The following GRIN2B variants were observed in gnomAD, a reference collection of about 807,000 sequenced individuals.
GRIN2B encodes glutamate ionotropic receptor NMDA type subunit 2B, also known as glutamate receptor ionotropic, NMDA 2B.
Under a neutral mutation model 114.5 loss-of-function variants are expected in GRIN2B, and 5 were observed. The ratio of observed to expected loss-of-function variants is 0.04; its 90% confidence interval spans 0.02 to 0.09. GRIN2B has a LOEUF of 0.09. GRIN2B is among the 10% of genes least tolerant of loss of function. The pLI is 1.00. For synonymous variants in GRIN2B, 787 were observed against 745.1 expected (o/e 1.06, Z -0.92); for missense variants, 1,108 against 1,943.5 (o/e 0.57, Z 8.08).
At chr12:13,662,807 T>C (rs1389169193) in intron 5 of GRIN2B, among the ~76,000 whole-genome samples, 1 of 152,190 alleles carries the variant, frequency 6.6e-6, no homozygotes, top group East Asian at 1.9e-4. Context: ...AACTTTTTCT[T>C]ACTGGGCTAC....
intron 4 of GRIN2B, among the ~76,000 whole-genome samples, chr12:13,714,623 C>A (rs926259439): frequency 1.3e-5 from 2 of 151,794 alleles, no homozygotes; most frequent in Admixed American, 1.3e-4. Context: ...ATCTTAAGCC[C>A]AAAGGGGGAA....
At chr12:13,930,458 A>G (rs219881) in intron 2 of GRIN2B, among the ~76,000 whole-genome samples, 142,376 of 152,114 alleles carry the variant, frequency 0.94, 66,941 homozygotes, top group East Asian at 1. Context: ...TTGTGAACTG[A>G]TCCAAATTCA....
chr12:13,971,192 C>T (rs1388718382), intron 2 of GRIN2B, among the ~76,000 whole-genome samples: 1 of 152,216 alleles, frequency 6.6e-6, no homozygotes, highest in East Asian at 1.9e-4. Context: ...ACACAGCCCA[C>T]CAAACACCAG....
At chr12:13,589,110 G>C (rs1240766440) in intron 10 of GRIN2B, among the ~76,000 whole-genome samples, 1 of 151,958 alleles carries the variant, frequency 6.6e-6, no homozygotes, top group Non-Finnish European at 1.5e-5. Flanking sequence ...CATTTAACTC[G>C]GTGTCCTGTA....
chr12:13,807,044 T>C (rs988855959), intron 3 of GRIN2B, among the ~76,000 whole-genome samples: 10 of 152,194 alleles, frequency 6.6e-5, no homozygotes, highest in African/African-American at 2.4e-4. Flanking sequence ...TATAACACTT[T>C]ATATAAACAT....
intron 2 of GRIN2B, among the ~76,000 whole-genome samples, chr12:13,937,381 A>G (rs1285517141): frequency 2.6e-5 from 4 of 152,144 alleles, no homozygotes; most frequent in South Asian, 2.1e-4. Flanking sequence ...AGACCTGGCT[A>G]AAGAGACGAT....
At chr12:13,874,470 G>A (rs1269943433) in intron 2 of GRIN2B, among the ~76,000 whole-genome samples, 6 of 152,302 alleles carry the variant, frequency 3.9e-5, no homozygotes, top group East Asian at 1.9e-4. Context: ...AAACACTCAC[G>A]GGTTTTTCTT....
chr12:13,754,586 A>G (rs1254019385), intron 3 of GRIN2B, among the ~76,000 whole-genome samples: 2 of 150,574 alleles, frequency 1.3e-5, no homozygotes, highest in African/African-American at 4.9e-5. Context: ...CTATAAACAT[A>G]TAAATGTTAA....
intron 4 of GRIN2B, among the ~76,000 whole-genome samples, chr12:13,730,766 A>T (rs1177352354): frequency 2.6e-5 from 4 of 152,194 alleles, no homozygotes; most frequent in Non-Finnish European, 5.9e-5. Context: ...AACTGAGCAG[A>T]ATAATTAAAA....
Position 13,753,640 on chromosome 12 carries a change from A to G in GRIN2B, c.687T>C (p.Leu229=). Residue 229 remains leucine, a synonymous_variant, in exon 4 of 14, where the codon CTT becomes CTC. Transcript: ENST00000609686. This position sits in a 1 kb window ranked among gnomAD's most constrained non-coding sequence, Gnocchi z 6.2. ...QLKKLQSPII[L]LYCTKEEATY... is the part of the protein sequence containing the mutation. ...TGGCTTCTTCCTTGGTACAGTAAAG[A>G]AGAATGATGGGGCTTTGAAGTTTCT... 6.2e-7 allele frequency: 1 copy of G among 1,614,186 alleles called. No homozygotes were observed. Among genetic ancestry groups the G allele is most frequent in the Non-Finnish European group, 8.5e-7 (1 of 1,180,030 alleles).
chr12:13,721,614 C>A (rs966656923), intron 4 of GRIN2B, among the ~76,000 whole-genome samples: 1 of 151,986 alleles, frequency 6.6e-6, no homozygotes, highest in African/African-American at 2.4e-5. Context: ...AAAAAGTTAC[C>A]ATTTTCACCA....
At chr12:13,729,473 C>A (rs960564528) in intron 4 of GRIN2B, among the ~76,000 whole-genome samples, 2 of 151,938 alleles carry the variant, frequency 1.3e-5, no homozygotes, top group Non-Finnish European at 2.9e-5. Flanking sequence ...CTGGGTGTAG[C>A]CTGTTCATGG....
intron 3 of GRIN2B, among the ~76,000 whole-genome samples, chr12:13,816,362 A>C (rs1435644989): frequency 1.3e-5 from 2 of 152,238 alleles, no homozygotes; most frequent in East Asian, 3.8e-4. Context: ...ATCCTTCTGG[A>C]AAATGTCCAG....
At chr12:13,680,436 TTGTGTGTGTGTGTGTGTGTGTGTG>T (rs56755720) in intron 4 of GRIN2B, among the ~76,000 whole-genome samples, 4 of 123,572 alleles carry the variant, frequency 3.2e-5, no homozygotes, top group South Asian at 5.9e-4. Flanking sequence ...CCCATCAAGG[TTGTGTGTGTGTGTGTGTGTGTGTG>T]TGTGTGTGTG....
intron 10 of GRIN2B, among the ~76,000 whole-genome samples, chr12:13,580,759 G>A (rs1280931645): frequency 1.3e-5 from 2 of 152,046 alleles, no homozygotes; most frequent in African/African-American, 4.8e-5. Context: ...ATGGAATCTT[G>A]CAGTCACCGC....
intron 5 of GRIN2B, among the ~76,000 whole-genome samples, chr12:13,624,325 A>T (rs1436744863): frequency 6.6e-6 from 1 of 152,072 alleles, no homozygotes; most frequent in Non-Finnish European, 1.5e-5. Context: ...CCTCCACTAG[A>T]TCTCCCTCCA....
At chr12:13,932,980 T>C (rs202031756) in intron 2 of GRIN2B, among the ~76,000 whole-genome samples, 2 of 141,944 alleles carry the variant, frequency 1.4e-5, no homozygotes, top group Non-Finnish European at 3.0e-5. Context: ...TGTGTGTGTG[T>C]GTGTGTGCGT....
chr12:13,745,707 C>T (rs1414932046), intron 4 of GRIN2B, among the ~76,000 whole-genome samples: 1 of 152,192 alleles, frequency 6.6e-6, no homozygotes, highest in Non-Finnish European at 1.5e-5. Context: ...TCTTCCAGCT[C>T]TAATGCTTTG....
At chr12:13,962,530 A>G (rs1162293700) in intron 2 of GRIN2B, among the ~76,000 whole-genome samples, 1 of 152,256 alleles carries the variant, frequency 6.6e-6, no homozygotes, top group Non-Finnish European at 1.5e-5. Context: ...AAATTGATTT[A>G]TATTTGCCAC....
Sources: gnomAD v4.1 joint callset for allele counts (sites outside exome capture counted in the v4.1 genomes callset) on GRCh38, gnomAD v4.1.1 for gene constraint, Gnocchi (gnomAD v3.1) non-coding constraint, MANE v1.5 for transcripts, NCBI Gene and HGNC (gene_info 2026-07-23, HGNC 2026-07-21) for gene names.